Variants in PPFIA2 observed in about 807,000 individuals in gnomAD.
PPFIA2 encodes PPFI scaffold protein A2, also known as liprin-alpha-2.
In PPFIA2, 46 loss-of-function variants were observed where a neutral mutation model predicts 175.5. The ratio of observed to expected loss-of-function variants is 0.26; its 90% CI spans 0.21 to 0.34. The LOEUF is 0.34. PPFIA2 is among the 10% of genes least tolerant of loss of function. The pLI, the probability that PPFIA2 is intolerant of heterozygous loss-of-function variation, is 1.00. For missense variants in PPFIA2, 1,179 were observed against 1,506.1 expected (o/e 0.78, Z 3.60); for synonymous variants, 568 against 511.4 (o/e 1.11, Z -1.49).
At chr12:81,356,468 A>G (rs560298152) in intron 16 of PPFIA2, among the ~76,000 whole-genome samples, 1 of 151,950 alleles carries the variant, frequency 6.6e-6, no homozygotes, top group East Asian at 1.9e-4. Context: ...TTTGAGATCA[A>G]CCTGGGCAAG....
At chr12:81,367,911 T>A (rs1365981901) in intron 13 of PPFIA2, among the ~76,000 whole-genome samples, 1 of 151,750 alleles carries the variant, frequency 6.6e-6, no homozygotes, top group Non-Finnish European at 1.5e-5. Flanking sequence ...GGCCATGTAT[T>A]TGAAGTTGTA....
chr12:81,706,897 C>A (rs926859250), intron 3 of PPFIA2, among the ~76,000 whole-genome samples: 25 of 152,142 alleles, frequency 1.6e-4, no homozygotes, highest in Non-Finnish European at 3.1e-4. Flanking sequence ...CTTTGACAAA[C>A]TTGAGAAAAA....
At chr12:81,278,659 T>C (rs2041243939) in intron 27 of PPFIA2, among the ~76,000 whole-genome samples, 1 of 151,340 alleles carries the variant, frequency 6.6e-6, no homozygotes. Context: ...TCTGCCAAAA[T>C]AGGGACAACA....
chr12:81,311,761 G>A (rs56366336), intron 22 of PPFIA2, among the ~76,000 whole-genome samples: 21 of 142,538 alleles, frequency 1.5e-4, no homozygotes, highest in South Asian at 6.5e-4. Flanking sequence ...AAGAAAGAAA[G>A]AAAGAAAGAA....
intron 4 of PPFIA2, among the ~76,000 whole-genome samples, chr12:81,556,661 C>A (rs951190050): frequency 2.6e-5 from 4 of 151,594 alleles, no homozygotes; most frequent in African/African-American, 9.7e-5. Context: ...AATATATCTA[C>A]CCCCTACATT....
At chr12:81,282,235 T>C in intron 26 of PPFIA2, among the ~76,000 whole-genome samples, 1 of 152,074 alleles carries the variant, frequency 6.6e-6, no homozygotes, top group Non-Finnish European at 1.5e-5. Context: ...ATTTAGTTCC[T>C]TATCATGCCC....
intron 7 of PPFIA2, among the ~76,000 whole-genome samples, chr12:81,431,801 C>T (rs2048141825): frequency 6.6e-6 from 1 of 152,104 alleles, no homozygotes; most frequent in Non-Finnish European, 1.5e-5. Context: ...CTCTTCTCTT[C>T]CTAAAAATTC....
At chr12:81,616,583 A>G (rs921771533) in intron 4 of PPFIA2, among the ~76,000 whole-genome samples, 3 of 152,138 alleles carry the variant, frequency 2.0e-5, no homozygotes, top group Non-Finnish European at 2.9e-5. Context: ...TCAAATCACA[A>G]TTTTGCAGCT....
At chr12:81,319,913 C>G (rs2053284461) in intron 22 of PPFIA2, among the ~76,000 whole-genome samples, 1 of 151,922 alleles carries the variant, frequency 6.6e-6, no homozygotes, top group Admixed American at 6.6e-5. Context: ...ACAGTTCCTA[C>G]TGCATGCCTA....
intron 3 of PPFIA2, among the ~76,000 whole-genome samples, chr12:81,696,193 G>A (rs1051889492): frequency 1.3e-5 from 2 of 152,140 alleles, no homozygotes; most frequent in Non-Finnish European, 2.9e-5. Context: ...TCTTGGGAAG[G>A]TAAATGTGTA....
At position 81,456,323 on chromosome 12, in the gene PPFIA2, T is replaced by G. The variant is rs182123067; in HGVS notation, c.405+1442A>C. On this transcript the variant is annotated intron_variant, in intron 5 of 32. Coordinates refer to ENST00000549396, the MANE Select transcript of PPFIA2 (RefSeq NM_003625.5). ...TAAACTGCCCTTGTTATGCCCTGTTTGAGGCAATCCATTTGACAGGTTCAT... is the reference window on the plus strand; with the variant it reads ...TAAACTGCCCTTGTTATGCCCTGTTGGAGGCAATCCATTTGACAGGTTCAT... Among the ~76,000 whole-genome samples, 6 of 152,340 alleles carry G rather than the reference T, an allele frequency of 3.9e-5. No homozygotes were observed. In the East Asian group the frequency reaches 9.6e-4, roughly 24 times the overall value.
chr12:81,271,267 T>G (rs2039016364), intron 28 of PPFIA2, among the ~76,000 whole-genome samples: 2 of 152,098 alleles, frequency 1.3e-5, no homozygotes, highest in Non-Finnish European at 2.9e-5. Context: ...TCCATTAGCT[T>G]TCTTTTTTCT....
At chr12:81,416,457 G>T (rs2143286766) in intron 7 of PPFIA2, among the ~76,000 whole-genome samples, 1 of 151,650 alleles carries the variant, frequency 6.6e-6, no homozygotes, top group Admixed American at 6.6e-5. Flanking sequence ...TGCGTTAAAA[G>T]TTTTGAATTT....
intron 8 of PPFIA2, among the ~76,000 whole-genome samples, chr12:81,394,692 A>C (rs1214463139): frequency 6.6e-6 from 1 of 151,820 alleles, no homozygotes; most frequent in Admixed American, 6.6e-5. Flanking sequence ...ATTAGGACAA[A>C]TACCTAATGC....
chr12:81,708,186 A>C (rs1398117269), intron 3 of PPFIA2, among the ~76,000 whole-genome samples: 1 of 152,114 alleles, frequency 6.6e-6, no homozygotes, highest in African/African-American at 2.4e-5. Flanking sequence ...AAAAAAACAA[A>C]AAAAATGGAA....
intron 4 of PPFIA2, among the ~76,000 whole-genome samples, chr12:81,631,942 C>A (rs1036089800): frequency 6.6e-6 from 1 of 152,094 alleles, no homozygotes; most frequent in Non-Finnish European, 1.5e-5. Flanking sequence ...CTATTAATAT[C>A]AATAATAAGG....
rs117725890 is a variant in PPFIA2, at chr12:81,733,257, G to T, written c.249+20716C>A. Among the ~76,000 whole-genome samples, 300 of 151,548 alleles carry T rather than the reference G, an allele frequency of 2.0e-3. 1 individual carries two copies. The highest frequency in any genetic ancestry group is 0.013 in the South Asian group (65 of 4,818). On this transcript the variant is annotated intron_variant, in intron 3 of 32. Coordinates refer to ENST00000549396, the MANE Select transcript of PPFIA2 (RefSeq NM_003625.5). ...TCCAGAAATATAAAGCAACTAGTAC[G>T]CATCAAGTGTTTAATCCTTGTTCTT... is the stretch of plus-strand genomic sequence containing the variant.
chr12:81,479,566 T>C (rs1215322554), intron 4 of PPFIA2, among the ~76,000 whole-genome samples: 1 of 152,172 alleles, frequency 6.6e-6, no homozygotes, highest in Non-Finnish European at 1.5e-5. Flanking sequence ...CTGATACTGG[T>C]TTTTCCTTTC....
In PPFIA2 at chr12:81,637,268, T is replaced by A. The variant is rs1198641934; in HGVS notation, c.303+39523A>T. ...TTTTTTTTTTTTTTTTTTTTTTTTT[T>A]TTTTTTTTTTTTTTTAGTAGAGATG... On this transcript the variant is annotated intron_variant, in intron 4 of 32. Coordinates refer to ENST00000549396, the MANE Select transcript of PPFIA2 (RefSeq NM_003625.5). Among the ~76,000 whole-genome samples, 160 of 69,322 alleles carry A rather than the reference T, an allele frequency of 2.3e-3. 9 individuals carry two copies. Among genetic ancestry groups the A allele is most frequent in the African/African-American group, 7.0e-3 (154 of 22,012 alleles). The allele number at this position is 69,322 out of a possible 152,430, so 45.5% of individuals were successfully genotyped here.
Sources: allele counts gnomAD v4.1 joint callset (sites outside exome capture counted in the v4.1 genomes callset), GRCh38; gene constraint gnomAD v4.1.1; transcripts MANE v1.5; gene names NCBI Gene and HGNC (gene_info 2026-07-23, HGNC 2026-07-21).